MFSD8: variants seen among roughly 807,000 people sequenced by gnomAD.
MFSD8 encodes major facilitator superfamily domain-containing protein 8.
Under a neutral mutation model 66.4 loss-of-function variants are expected in MFSD8, and 55 were observed. That is an observed-to-expected ratio of 0.83 (90% CI 0.67 to 1.04). The LOEUF (loss-of-function observed/expected upper bound fraction) is 1.04, where lower values mean the gene tolerates loss of function less well. Among genes scored for constraint, MFSD8 ranks in the 50% least tolerant of loss-of-function variants. The pLI, the probability that MFSD8 is intolerant of heterozygous loss-of-function variation, is 0.00. For synonymous variants in MFSD8, 202 were observed against 212.8 expected (o/e 0.95, Z 0.44); for missense variants, 550 against 627.6 (o/e 0.88, Z 1.32).
At chr4:127,928,467 T>C (rs991458809) in intron 9 of MFSD8, among the ~76,000 whole-genome samples, 2 of 152,114 alleles carry the variant, frequency 1.3e-5, no homozygotes, top group Non-Finnish European at 2.9e-5. Context: ...AAAAGACATA[T>C]AAAAGGCCAC....
chr4:127,947,388 G>A (rs912155395), intron 3 of MFSD8, among the ~76,000 whole-genome samples: 1 of 152,044 alleles, frequency 6.6e-6, no homozygotes, highest in Non-Finnish European at 1.5e-5. Context: ...GATCAGCCTG[G>A]CCGGTATGGT....
Position 127,942,088 on chromosome 4 carries a change from T to C in MFSD8, c.510A>G (p.Ala170=). 6.2e-7 allele frequency: 1 copy of C among 1,614,116 alleles called. No homozygotes were observed. ...CTAATGCTTGACACATGCTTATGTTTGCCATGGAACTTGTTCTTTCCTGAA... is the reference window on the plus strand; with the variant it reads ...CTAATGCTTGACACATGCTTATGTTCGCCATGGAACTTGTTCTTTCCTGAA... ...TSLQERTSSM[A]NISMCQALGF... Residue 170 remains alanine, a synonymous_variant, in exon 5 of 12, where the codon GCA becomes GCG. Coordinates refer to ENST00000641686, the MANE Select transcript of MFSD8 (RefSeq NM_001371596.2).
chr4:127,964,739 G>A (rs1744708057), intron 1 of MFSD8: 43 of 443,420 alleles, frequency 9.7e-5, no homozygotes, highest in South Asian at 9.1e-4. Flanking sequence ...TGGGAGCCCA[G>A]GCAGAGGAGG....
intron 9 of MFSD8, among the ~76,000 whole-genome samples, chr4:127,926,305 G>A: frequency 5.0e-5 from 1 of 19,848 alleles, no homozygotes; most frequent in Non-Finnish European, 1.1e-4. Context: ...GAGGTCAGGA[G>A]ATCGAGACCA....
chr4:127,949,882 A>C (rs1412252946), intron 2 of MFSD8, 35 bp from the exon 3 acceptor site: 1 of 1,558,122 alleles, frequency 6.4e-7, no homozygotes. Context: ...TTATACTTAT[A>C]ATAATTTAAT....
At chr4:127,957,400 A>C in intron 2 of MFSD8, 101 bp downstream of exon 2, 1 of 890,422 alleles carries the variant, frequency 1.1e-6, no homozygotes, top group Non-Finnish European at 1.8e-6. Context: ...TTTTTAGCAC[A>C]ATAAAGATAA....
At chr4:127,923,986 T>C (rs1174790913) in intron 9 of MFSD8, among the ~76,000 whole-genome samples, 3 of 152,116 alleles carry the variant, frequency 2.0e-5, no homozygotes, top group Non-Finnish European at 4.4e-5. Context: ...ATCAGGATGA[T>C]TCTGGCCTCA....
chr4:127,960,529 A>AAAAT (rs144471782), intron 1 of MFSD8, among the ~76,000 whole-genome samples: 4,556 of 152,200 alleles, frequency 0.03, 292 homozygotes, highest in East Asian at 0.26. Flanking sequence ...CTGTCTCAAA[A>AAAAT]AAATAAATAA....
chr4:127,940,769 G>A (rs1740054673), intron 5 of MFSD8, among the ~76,000 whole-genome samples: 2 of 148,422 alleles, frequency 1.3e-5, no homozygotes, highest in African/African-American at 2.6e-5. Flanking sequence ...AACTCAATTG[G>A]AAGAGTACTG....
At chr4:127,961,902 T>A (rs1352075846) in intron 1 of MFSD8, among the ~76,000 whole-genome samples, 2 of 151,544 alleles carry the variant, frequency 1.3e-5, no homozygotes, top group African/African-American at 2.4e-5. Flanking sequence ...GCTTATGCAC[T>A]TAACTAGTAG....
chr4:127,921,531 T>A lies in MFSD8; in HGVS notation c.1343A>T (p.Lys448Ile). Residue 448 changes from lysine to isoleucine, a missense_variant, in exon 11 of 12, where the codon AAA becomes ATA. Physicochemically the swap from Lys to Ile is moderately radical, Grantham distance 102. Coordinates refer to ENST00000641686, the MANE Select transcript of MFSD8 (RefSeq NM_001371596.2). ...YTLYSKILGP[K>I]PQGVYMGWLT... ...TCAGGGTACCTGGCTTACCTGAGGT[T>A]TTGGTCCTAGAATTTTTGAATATAG... is the stretch of plus-strand genomic sequence containing the variant. The A allele has an allele frequency of 6.2e-7, 1 of 1,614,222 alleles. No individual in the cohort carries two copies. The highest frequency in any genetic ancestry group is 1.1e-5 in the South Asian group (1 of 91,084).
chr4:127,956,005 G>C (rs1560773911), intron 2 of MFSD8, among the ~76,000 whole-genome samples: 1 of 152,014 alleles, frequency 6.6e-6, no homozygotes, highest in South Asian at 2.1e-4. Context: ...TGTAGTCCCA[G>C]CTACTCGGGA....
At chr4:127,953,264 G>A (rs138687496) in intron 2 of MFSD8, among the ~76,000 whole-genome samples, 4,005 of 151,824 alleles carry the variant, frequency 0.026, 158 homozygotes, top group African/African-American at 0.091. Context: ...TGAGGCGGGC[G>A]GATCACCTGA....
At chr4:127,928,882 T>C (rs929147267) in intron 9 of MFSD8, among the ~76,000 whole-genome samples, 1 of 152,138 alleles carries the variant, frequency 6.6e-6, no homozygotes, top group Admixed American at 6.6e-5. Context: ...GGTATATATA[T>C]ATGGGAATAT....
At chr4:127,946,391 T>A (rs1198420970) in intron 3 of MFSD8, among the ~76,000 whole-genome samples, 1 of 152,188 alleles carries the variant, frequency 6.6e-6, no homozygotes, top group Non-Finnish European at 1.5e-5. Flanking sequence ...TTTTGATACA[T>A]GAAAATATCT....
At position 127,943,867 on chromosome 4, in the gene MFSD8, A is replaced by C; in HGVS notation, c.324T>G (p.Ile108Met). 2 of 1,614,186 alleles carry C rather than the reference A, an allele frequency of 1.2e-6. No individual in the cohort carries two copies. Among genetic ancestry groups the C allele is most frequent in the Non-Finnish European group, 1.7e-6 (2 of 1,180,032 alleles). Residue 108 changes from isoleucine to methionine, a missense_variant, in exon 4 of 12, where the codon ATT becomes ATG. By Grantham distance (10) the Ile-to-Met change is conservative. Coordinates refer to ENST00000641686, the MANE Select transcript of MFSD8 (RefSeq NM_001371596.2). ...CTGCCACGGAAATCAAGATGGAGACAATAAGAGGCTCTTTTCTTGGTCTAT... is the reference window on the plus strand; with the variant it reads ...CTGCCACGGAAATCAAGATGGAGACCATAAGAGGCTCTTTTCTTGGTCTAT... ...SNYRPRKEPL[I>M]VSILISVAAN...
Position 127,921,576 on chromosome 4 carries a change from C to A in MFSD8, c.1298G>T (p.Cys433Phe). Reference protein sequence around the residue: ...AVLIGLGYPVCNLMSYTLYSK... With the variant: ...AVLIGLGYPVFNLMSYTLYSK... ...ATATAGAGTATAGGACATAAGATTG[C>A]AGACTGGATAGCCTAATCCTATTAG... Residue 433 changes from cysteine to phenylalanine, a missense_variant, in exon 11 of 12, where the codon TGC (cysteine) becomes TTC (phenylalanine). Cys to Phe is a radical substitution (Grantham distance 205). Transcript: ENST00000641686. 6.2e-7 allele frequency: 1 copy of A among 1,614,156 alleles called. No individual in the cohort carries two copies. The highest frequency in any genetic ancestry group is 8.5e-7 in the Non-Finnish European group (1 of 1,180,026).
intron 8 of MFSD8, chr4:127,932,691 C>T (rs932337423): frequency 3.9e-6 from 1 of 258,742 alleles, no homozygotes; most frequent in African/African-American, 2.3e-5. Flanking sequence ...ATAATTAAAT[C>T]ATGGCACTAA....
intron 4 of MFSD8, chr4:127,943,271 A>G (rs1291264216): frequency 5.5e-6 from 1 of 180,948 alleles, no homozygotes; most frequent in African/African-American, 2.4e-5. Context: ...AAACAGTACA[A>G]TACTATAAGC....
Sources: gnomAD v4.1 joint callset for allele counts (sites outside exome capture counted in the v4.1 genomes callset) on GRCh38, gnomAD v4.1.1 for gene constraint, MANE v1.5 for transcripts, NCBI Gene and HGNC (gene_info 2026-07-23, HGNC 2026-07-21) for gene names.